The following HSD17B12 variants were observed in gnomAD, a reference collection of about 807,000 sequenced individuals.
The protein encoded by HSD17B12 is hydroxysteroid 17-beta dehydrogenase 12.
HSD17B12 carries 32 observed loss-of-function variants against 39.3 expected under a neutral mutation model. That is an observed-to-expected ratio of 0.81 (90% CI 0.61 to 1.09). The LOEUF is 1.09. HSD17B12 is among the 50% of genes least tolerant of loss of function. The probability of loss-of-function intolerance (pLI) is 0.00; values close to 1 mark genes in which losing one functional copy is unlikely to be tolerated. For synonymous variants in HSD17B12, 150 were observed against 146.7 expected (o/e 1.02, Z -0.16); for missense variants, 342 against 382.9 (o/e 0.89, Z 0.89).
the HSD17B12 span, among the ~76,000 whole-genome samples, chr11:43,558,497 C>T: frequency 1.3e-5 from 2 of 152,032 alleles, no homozygotes; most frequent in East Asian, 3.9e-4. Context: ...CCCTGCAAAT[C>T]ATCTTCTAGG....
chr11:43,643,156 A>G, the HSD17B12 span, among the ~76,000 whole-genome samples: 1 of 152,098 alleles, frequency 6.6e-6, no homozygotes, highest in Admixed American at 6.5e-5. Flanking sequence ...GGAGAATTCT[A>G]GTTGTTGCCT....
chr11:43,680,813 G>A lies in HSD17B12; in HGVS notation c.-15G>A, dbSNP rs745727572. On this transcript the variant is annotated 5_prime_UTR_variant, in exon 1 of 11. Transcript: ENST00000278353. ...TCTTTTCATTCACGAAGGTAGTGAG[G>A]CCTAGTGGAAAGCCATGGAGAGCGC... 1.2e-6 allele frequency: 2 copies of A among 1,610,400 alleles called. No individual in the cohort carries two copies.
In HSD17B12 at chr11:43,854,774, T is replaced by A; in HGVS notation, c.744T>A (p.Asp248Glu). Residue 248 changes from aspartate (D) to glutamate (E), a missense_variant, in exon 10 of 11, where the codon GAT (aspartate) becomes GAA (glutamate). Asp to Glu is a conservative substitution (Grantham distance 45). Transcript: ENST00000278353. ...CTAAAATCCGGAAGCCAACTTTGGA[T>A]AAGCCCTCTCCGGAGACGTTTGTGA... ...KLAKIRKPTL[D>E]KPSPETFVKS... The A allele has an allele frequency of 6.2e-7, 1 of 1,614,192 alleles. No individual in the cohort carries two copies. The highest frequency in any genetic ancestry group is 8.5e-7 in the Non-Finnish European group (1 of 1,180,038).
At chr11:43,624,505 T>G in the HSD17B12 span, among the ~76,000 whole-genome samples, 1 of 151,956 alleles carries the variant, frequency 6.6e-6, no homozygotes, top group East Asian at 1.9e-4. Flanking sequence ...CACATGGCAT[T>G]TATATATTCT....
chr11:43,656,821 C>G, the HSD17B12 span, among the ~76,000 whole-genome samples: 1 of 152,028 alleles, frequency 6.6e-6, no homozygotes, highest in Non-Finnish European at 1.5e-5. Context: ...TTACTTCCAA[C>G]TATGTGGTCA....
the HSD17B12 span, among the ~76,000 whole-genome samples, chr11:43,580,176 T>TGGAGGAAGAGGGAG: frequency 6.7e-4 from 96 of 144,036 alleles, no homozygotes; most frequent in African/African-American, 8.6e-4. Flanking sequence ...CCGAGCGGGA[T>TGGAGGAAGAGGGAG]GGAGGAAGAG....
chr11:43,620,746 A>G, the HSD17B12 span, among the ~76,000 whole-genome samples: 1 of 152,218 alleles, frequency 6.6e-6, no homozygotes, highest in Non-Finnish European at 1.5e-5. Flanking sequence ...TTGATTGCGT[A>G]TTTAGAAGGC....
At chr11:43,800,786 C>CTCATTCAT (rs200539231) in intron 4 of HSD17B12, among the ~76,000 whole-genome samples, 1 of 152,016 alleles carries the variant, frequency 6.6e-6, no homozygotes, top group Non-Finnish European at 1.5e-5. Context: ...TGTGCCCCTC[C>CTCATTCAT]TCATTCATTC....
the HSD17B12 span, chr11:43,670,310 C>T: frequency 1.5e-4 from 23 of 152,154 alleles, no homozygotes; most frequent in African/African-American, 5.1e-4. Flanking sequence ...GGATGCCTTC[C>T]CCAGCACCCA....
intron 3 of HSD17B12, among the ~76,000 whole-genome samples, chr11:43,787,160 G>A (rs950879951): frequency 1.3e-5 from 2 of 151,916 alleles, no homozygotes; most frequent in Non-Finnish European, 2.9e-5. Context: ...CAGGCTGATC[G>A]CAAGCTACTG....
chr11:43,744,497 C>T (rs937857892), intron 1 of HSD17B12, among the ~76,000 whole-genome samples: 1 of 152,076 alleles, frequency 6.6e-6, no homozygotes, highest in Admixed American at 6.5e-5. Context: ...ATTCTATACC[C>T]AGTTAAGCTA....
chr11:43,734,629 C>T (rs1304410046), intron 1 of HSD17B12: 8 of 318,668 alleles, frequency 2.5e-5, no homozygotes, highest in Admixed American at 8.3e-5. Flanking sequence ...TTCTTAACAC[C>T]GCCTTCCTTC....
At chr11:43,562,550 T>C in the HSD17B12 span, among the ~76,000 whole-genome samples, 2 of 152,236 alleles carry the variant, frequency 1.3e-5, no homozygotes, top group Non-Finnish European at 2.9e-5. Flanking sequence ...ATCACTTTTA[T>C]TTTTTATTAT....
chr11:43,767,700 T>G (rs912239434), intron 3 of HSD17B12, among the ~76,000 whole-genome samples: 6 of 152,204 alleles, frequency 3.9e-5, no homozygotes, highest in Non-Finnish European at 4.4e-5. Flanking sequence ...AATAGGAATT[T>G]TCACATATTT....
chr11:43,627,141 A>C, the HSD17B12 span, among the ~76,000 whole-genome samples: 23 of 152,134 alleles, frequency 1.5e-4, no homozygotes, highest in Middle Eastern at 3.4e-3. Flanking sequence ...TTTTATAGTA[A>C]TAATATACAA....
the HSD17B12 span, among the ~76,000 whole-genome samples, chr11:43,626,091 A>C: frequency 6.6e-6 from 1 of 151,618 alleles, no homozygotes; most frequent in African/African-American, 2.4e-5. Context: ...TTAATTGCTT[A>C]AGACTTTTTT....
intron 3 of HSD17B12, among the ~76,000 whole-genome samples, chr11:43,795,594 A>T (rs758871445): frequency 1.1e-4 from 17 of 152,164 alleles, no homozygotes; most frequent in Non-Finnish European, 1.5e-5. Context: ...TTTTCTCTCT[A>T]TAAAAGGGAC....
chr11:43,620,129 TG>T, the HSD17B12 span, among the ~76,000 whole-genome samples: 2 of 152,232 alleles, frequency 1.3e-5, no homozygotes, highest in Admixed American at 1.3e-4. Context: ...TCCTGGCCTT[TG>T]CTGCATCAAG....
rs572416307 is a variant in HSD17B12 at position 43,786,422 on chromosome 11, C to G, written c.284-11898C>G. Among the ~76,000 whole-genome samples the G allele has an allele frequency of 5.3e-5, 8 of 152,274 alleles. No individual in the cohort carries two copies. The South Asian group carries it at 1.7e-3, about 32-fold the overall frequency. On this transcript the variant is annotated intron_variant, in intron 3 of 10. Transcript: ENST00000278353. ...AGTATGTGAAGAATACAATGACTTC[C>G]AATACAGCCGGGTGCCACTGCTTTG...
Sources: gnomAD v4.1 joint callset for allele counts (sites outside exome capture counted in the v4.1 genomes callset) on GRCh38, gnomAD v4.1.1 for gene constraint, MANE v1.5 for transcripts, NCBI Gene and HGNC (gene_info 2026-07-23, HGNC 2026-07-21) for gene names.